EPB41L4A: variants seen among roughly 807,000 people sequenced by gnomAD.
EPB41L4A encodes erythrocyte membrane protein band 4.1 like 4A, also known as band 4.1-like protein 4A.
In EPB41L4A, 100 loss-of-function variants were observed where a neutral mutation model predicts 108.6. The ratio of observed to expected loss-of-function variants is 0.92; its 90% CI spans 0.78 to 1.09. EPB41L4A has a LOEUF of 1.09. Among genes scored for constraint, EPB41L4A ranks in the 50% least tolerant of loss-of-function variants. EPB41L4A has a pLI of 0.00. For missense variants in EPB41L4A, 1,030 were observed against 842.7 expected (o/e 1.22, Z -2.75); for synonymous variants, 319 against 289.0 (o/e 1.10, Z -1.05).
At chr5:112,195,567 A>T (rs766036159) in intron 16 of EPB41L4A, 94 bp downstream of exon 16, 5 of 1,077,504 alleles carry the variant, frequency 4.6e-6, no homozygotes, top group Non-Finnish European at 5.5e-6. Flanking sequence ...AAAATAAAAA[A>T]AAATAATGCC....
At chr5:112,418,886 A>T (rs1475015574) in intron 1 of EPB41L4A, 55 bp downstream of exon 1, 5 of 1,409,294 alleles carry the variant, frequency 3.5e-6, no homozygotes, top group Non-Finnish European at 5.0e-6. Flanking sequence ...AAAGCGATGG[A>T]CCCCCGCACC....
At chr5:112,145,264 T>C (rs528060449) in intron 13 of EPB41L4A, among the ~76,000 whole-genome samples, 1 of 152,346 alleles carries the variant, frequency 6.6e-6, no homozygotes, top group South Asian at 2.1e-4. Context: ...CACTCCAGCC[T>C]GGGCAACAGA....
intron 2 of EPB41L4A, among the ~76,000 whole-genome samples, chr5:112,289,079 T>C (rs1036745427): frequency 6.6e-6 from 1 of 152,148 alleles, no homozygotes; most frequent in African/African-American, 2.4e-5. Flanking sequence ...ACTATTCCTA[T>C]CAAAAGGTAT....
intron 1 of EPB41L4A, among the ~76,000 whole-genome samples, chr5:112,383,719 A>T (rs1760313134): frequency 6.6e-6 from 1 of 152,172 alleles, no homozygotes; most frequent in Non-Finnish European, 1.5e-5. Context: ...TTGGTACACT[A>T]ACAGACAAAT....
intron 4 of EPB41L4A, among the ~76,000 whole-genome samples, chr5:112,272,778 T>C (rs1453182812): frequency 3.0e-4 from 7 of 23,688 alleles, no homozygotes; most frequent in Admixed American, 7.6e-4. Flanking sequence ...CAAAACTCCG[T>C]CTCAAAAAAA....
At chr5:112,233,190 G>T (rs930238872) in intron 12 of EPB41L4A, among the ~76,000 whole-genome samples, 8 of 152,092 alleles carry the variant, frequency 5.3e-5, no homozygotes, top group African/African-American at 1.9e-4. Context: ...CACAAAAAAA[G>T]ACATACTATG....
In EPB41L4A at chr5:112,275,228, A is replaced by C. The variant is rs1404710940; in HGVS notation, c.335+98T>G. Reference sequence around the variant, plus strand: ...GATGCGTTACAAAATGCAGGTAGACACACATCCAAACGTTTAGCCCAATTT... The same window carrying C: ...GATGCGTTACAAAATGCAGGTAGACCCACATCCAAACGTTTAGCCCAATTT... On this transcript the variant is annotated intron_variant, in intron 4 of 22. Coordinates refer to ENST00000261486, the MANE Select transcript of EPB41L4A (RefSeq NM_022140.5). The C allele has an allele frequency of 8.6e-6, 12 of 1,393,174 alleles. No individual in the cohort carries two copies. In the South Asian group the frequency reaches 1.1e-4, roughly 13 times the overall value. 86.3% of individuals were successfully genotyped at this position (1,393,174 alleles called of 1,614,324 possible). A position where few individuals can be genotyped will look rare whatever the true frequency, so the allele number is the denominator to read the frequency against.
At chr5:112,332,507 G>A (rs533967771) in intron 1 of EPB41L4A, among the ~76,000 whole-genome samples, 1 of 152,288 alleles carries the variant, frequency 6.6e-6, no homozygotes, top group South Asian at 2.1e-4. Flanking sequence ...GCTGAAGAGA[G>A]ATGCATGGCA....
chr5:112,199,450 G>A (rs1762115985), intron 15 of EPB41L4A, among the ~76,000 whole-genome samples: 1 of 152,130 alleles, frequency 6.6e-6, no homozygotes, highest in Non-Finnish European at 1.5e-5. Flanking sequence ...AAATGCTGGA[G>A]CTTCTTACAA....
intron 22 of EPB41L4A, among the ~76,000 whole-genome samples, chr5:112,166,927 A>G (rs1321963946): frequency 6.6e-6 from 1 of 152,214 alleles, no homozygotes; most frequent in African/African-American, 2.4e-5. Context: ...GGCTCACTGG[A>G]TATTTACTGA....
intron 2 of EPB41L4A, among the ~76,000 whole-genome samples, chr5:112,301,051 T>C (rs1302893678): frequency 6.6e-6 from 1 of 152,056 alleles, no homozygotes; most frequent in Admixed American, 6.6e-5. Context: ...CCCTCGTTCC[T>C]TGTATCATTT....
chr5:112,376,674 A>C (rs1273653417), intron 1 of EPB41L4A, among the ~76,000 whole-genome samples: 1 of 152,142 alleles, frequency 6.6e-6, no homozygotes, highest in Non-Finnish European at 1.5e-5. Context: ...GTACATCCAT[A>C]CCATGGAACA....
Position 112,204,376 on chromosome 5 carries a change from T to A in EPB41L4A, c.1375A>T (p.Arg459Trp). Residue 459 changes from arginine to tryptophan, a missense_variant and splice_region_variant, in exon 15 of 23, where the codon AGG (arginine) becomes TGG (tryptophan). Arg to Trp is a moderately radical substitution (Grantham distance 101). Coordinates refer to ENST00000261486, the MANE Select transcript of EPB41L4A (RefSeq NM_022140.5). ...ACAGAGAGATTGTGTTCCGCTTACC[T>A]CCTCCTCACAGGCTGTACAGAATCA... is the stretch of plus-strand genomic sequence containing the variant. The part of the protein sequence containing the change: ...DNDSVQPVRR[R>W]KAHNSGEDSD... 1 of 1,604,728 alleles carries A rather than the reference T, an allele frequency of 6.2e-7. No individual in the cohort carries two copies. The highest frequency in any genetic ancestry group is 1.1e-5 in the South Asian group (1 of 90,856).
intron 1 of EPB41L4A, among the ~76,000 whole-genome samples, chr5:112,361,720 A>T (rs1580759744): frequency 6.7e-6 from 1 of 149,402 alleles, no homozygotes; most frequent in African/African-American, 2.4e-5. Context: ...AAATAATAAT[A>T]ATAATAATAA....
chr5:112,220,546 C>A (rs1747973817), intron 12 of EPB41L4A, among the ~76,000 whole-genome samples: 1 of 152,160 alleles, frequency 6.6e-6, no homozygotes, highest in Admixed American at 6.5e-5. Context: ...AGGAATATGC[C>A]TTTTAGAAAA....
intron 1 of EPB41L4A, among the ~76,000 whole-genome samples, chr5:112,319,342 G>T (rs1755622459): frequency 6.6e-6 from 1 of 152,134 alleles, no homozygotes; most frequent in Admixed American, 6.5e-5. Flanking sequence ...AAATACATGT[G>T]TGAATAAATA....
At chr5:112,312,115 A>G (rs1432913787) in intron 1 of EPB41L4A, among the ~76,000 whole-genome samples, 1 of 152,264 alleles carries the variant, frequency 6.6e-6, no homozygotes, top group Non-Finnish European at 1.5e-5. Flanking sequence ...TCAAATAAAG[A>G]TAATAGATTT....
chr5:112,287,581 T>A (rs1753371554), intron 2 of EPB41L4A, among the ~76,000 whole-genome samples: 1 of 152,216 alleles, frequency 6.6e-6, no homozygotes, highest in Non-Finnish European at 1.5e-5. Context: ...TATCCTCCAG[T>A]GGTTTCCTTT....
At chr5:112,249,408 T>C (rs1750487354) in intron 9 of EPB41L4A, among the ~76,000 whole-genome samples, 1 of 152,194 alleles carries the variant, frequency 6.6e-6, no homozygotes, top group Non-Finnish European at 1.5e-5. Context: ...ACTGAAATCT[T>C]TATTCTCCAA....
Sources: gnomAD v4.1 joint callset for allele counts (sites outside exome capture counted in the v4.1 genomes callset) on GRCh38, gnomAD v4.1.1 for gene constraint, MANE v1.5 for transcripts, NCBI Gene and HGNC (gene_info 2026-07-23, HGNC 2026-07-21) for gene names.